RPS6KC1: variants seen among roughly 807,000 people sequenced by gnomAD.
RPS6KC1 encodes inactive ribosomal protein S6 kinase delta-1.
RPS6KC1 carries 54 observed loss-of-function variants against 103.8 expected under a neutral mutation model. The ratio of observed to expected loss-of-function variants is 0.52; its 90% CI spans 0.42 to 0.65. RPS6KC1 has a LOEUF of 0.65. RPS6KC1 is among the 30% of genes least tolerant of loss of function. RPS6KC1 has a pLI of 0.00. For synonymous variants in RPS6KC1, 439 were observed against 438.7 expected (o/e 1.00, Z -0.01); for missense variants, 1,151 against 1,253.8 (o/e 0.92, Z 1.24).
At chr1:213,513,157 T>C in the RPS6KC1 span, among the ~76,000 whole-genome samples, 1 of 152,064 alleles carries the variant, frequency 6.6e-6, no homozygotes, top group African/African-American at 2.4e-5. Context: ...GAGACCTCCA[T>C]GCTGTTGCTG....
chr1:213,320,670 T>G, the RPS6KC1 span, among the ~76,000 whole-genome samples: 1 of 152,210 alleles, frequency 6.6e-6, no homozygotes, highest in African/African-American at 2.4e-5. Flanking sequence ...CCTTTTCTTC[T>G]CCCTCCGGGA....
the RPS6KC1 span, among the ~76,000 whole-genome samples, chr1:213,290,888 T>G: frequency 1.2e-4 from 18 of 152,294 alleles, no homozygotes; most frequent in East Asian, 3.5e-3. Context: ...CGTAGATGAT[T>G]CAAAGATAAA....
At chr1:213,612,767 A>G in the RPS6KC1 span, among the ~76,000 whole-genome samples, 4 of 152,224 alleles carry the variant, frequency 2.6e-5, no homozygotes, top group Non-Finnish European at 5.9e-5. Flanking sequence ...TTGGGTTTTA[A>G]TGAGAACTCC....
chr1:213,169,174 C>G (rs1443246001), intron 7 of RPS6KC1, among the ~76,000 whole-genome samples: 1 of 152,106 alleles, frequency 6.6e-6, no homozygotes, highest in Admixed American at 6.6e-5. Flanking sequence ...TCTTCATTTC[C>G]CCTTCATATA....
intron 8 of RPS6KC1, among the ~76,000 whole-genome samples, chr1:213,178,376 C>A (rs533882727): frequency 6.6e-6 from 1 of 151,576 alleles, no homozygotes; most frequent in Non-Finnish European, 1.5e-5. Context: ...CCCGTCTCTA[C>A]CAAAAATACA....
At chr1:213,527,492 G>C in the RPS6KC1 span, among the ~76,000 whole-genome samples, 1 of 152,120 alleles carries the variant, frequency 6.6e-6, no homozygotes, top group Non-Finnish European at 1.5e-5. Flanking sequence ...ATCACAGTGA[G>C]ACCAGAACAC....
Position 213,071,049 on chromosome 1 carries a change from T to C in RPS6KC1, c.141+8T>C. ...CCAGAGGATGTCCAGGAGGTAACAT[T>C]TATATGAAGATTTTATTTTATGTAT... On this transcript the variant is annotated splice_region_variant and intron_variant, in intron 2 of 14. Transcript: ENST00000366960. The C allele has an allele frequency of 6.6e-7, 1 of 1,505,912 alleles. No individual in the cohort carries two copies. The highest frequency in any genetic ancestry group is 9.1e-7 in the Non-Finnish European group (1 of 1,104,848). 93.3% of individuals were successfully genotyped at this position (1,505,912 alleles called of 1,614,324 possible).
intron 5 of RPS6KC1, among the ~76,000 whole-genome samples, chr1:213,121,653 G>A (rs2084399686): frequency 6.6e-6 from 1 of 152,082 alleles, no homozygotes; most frequent in Admixed American, 6.6e-5. Context: ...CTTTTTGAAG[G>A]GTGTAGATTG....
At chr1:213,102,762 A>G (rs2082126018) in intron 3 of RPS6KC1, among the ~76,000 whole-genome samples, 1 of 152,204 alleles carries the variant, frequency 6.6e-6, no homozygotes, top group African/African-American at 2.4e-5. Context: ...CCTAGGCTCT[A>G]TCAAGATACT....
At chr1:213,816,134 A>G in the RPS6KC1 span, among the ~76,000 whole-genome samples, 1 of 152,194 alleles carries the variant, frequency 6.6e-6, no homozygotes, top group Admixed American at 6.5e-5. Flanking sequence ...AACAACTACA[A>G]TAGTAACCTC....
the RPS6KC1 span, among the ~76,000 whole-genome samples, chr1:213,823,658 C>T: frequency 6.6e-6 from 1 of 151,432 alleles, no homozygotes; most frequent in African/African-American, 2.4e-5. Context: ...CCATTTTCTC[C>T]AGCCAAAACA....
intron 1 of RPS6KC1, among the ~76,000 whole-genome samples, chr1:213,068,459 G>C (rs2148435015): frequency 7.1e-6 from 1 of 140,836 alleles, no homozygotes; most frequent in African/African-American, 2.7e-5. Context: ...ACTCCAGCTT[G>C]GGTGACAGAG....
chr1:213,068,743 G>C (rs1247671525), intron 1 of RPS6KC1, among the ~76,000 whole-genome samples: 1 of 151,806 alleles, frequency 6.6e-6, no homozygotes, highest in African/African-American at 2.4e-5. Context: ...GGCTTACAGT[G>C]GTTCTCACTT....
At chr1:213,361,125 C>A in the RPS6KC1 span, among the ~76,000 whole-genome samples, 1 of 152,244 alleles carries the variant, frequency 6.6e-6, no homozygotes, top group South Asian at 2.1e-4. Context: ...GTTTCTGCTG[C>A]CTTTTGTTCA....
chr1:213,121,242 T>G (rs1016036469), intron 5 of RPS6KC1, among the ~76,000 whole-genome samples: 1 of 152,216 alleles, frequency 6.6e-6, no homozygotes, highest in African/African-American at 2.4e-5. Context: ...GCCTGTTTTT[T>G]AAAATTACAG....
At chr1:213,068,137 G>A (rs925655082) in intron 1 of RPS6KC1, among the ~76,000 whole-genome samples, 11 of 152,098 alleles carry the variant, frequency 7.2e-5, no homozygotes, top group Admixed American at 6.5e-4. Flanking sequence ...TTTTTGGGGG[G>A]TGGATTATTA....
the RPS6KC1 span, among the ~76,000 whole-genome samples, chr1:213,372,340 T>C: frequency 6.6e-6 from 1 of 152,202 alleles, no homozygotes; most frequent in Admixed American, 6.5e-5. Context: ...TCAGATCTAT[T>C]GAGAAACCAC....
intron 8 of RPS6KC1, among the ~76,000 whole-genome samples, chr1:213,184,669 C>A (rs924345823): frequency 6.6e-6 from 1 of 151,956 alleles, no homozygotes; most frequent in Non-Finnish European, 1.5e-5. Flanking sequence ...TTGCCATAGC[C>A]CACAGATTTT....
chr1:213,804,991 T>TATC, the RPS6KC1 span, among the ~76,000 whole-genome samples: 1 of 152,276 alleles, frequency 6.6e-6, no homozygotes, highest in Non-Finnish European at 1.5e-5. Flanking sequence ...TCCCAGTGCC[T>TATC]ATCAAAGTTG....
Sources: gnomAD v4.1 joint callset for allele counts (sites outside exome capture counted in the v4.1 genomes callset) on GRCh38, gnomAD v4.1.1 for gene constraint, MANE v1.5 for transcripts, NCBI Gene and HGNC (gene_info 2026-07-23, HGNC 2026-07-21) for gene names.